TRDN: variants seen among roughly 807,000 people sequenced by gnomAD.
The protein encoded by TRDN is triadin.
A neutral mutation model predicts 149.7 loss-of-function variants in TRDN; 161 were observed. That is an observed-to-expected ratio of 1.08 (90% CI 0.95 to 1.23). The LOEUF is 1.23. TRDN is among the 50% of genes most tolerant of loss of function. The pLI, the probability that TRDN is intolerant of heterozygous loss-of-function variation, is 0.00. For synonymous variants in TRDN, 294 were observed against 250.5 expected (o/e 1.17, Z -1.64); for missense variants, 896 against 823.5 (o/e 1.09, Z -1.08).
At chr6:123,489,220 GAA>G (rs1267289770) in intron 9 of TRDN, among the ~76,000 whole-genome samples, 1 of 151,360 alleles carries the variant, frequency 6.6e-6, no homozygotes, top group East Asian at 1.9e-4. Context: ...TAATAAAAGA[GAA>G]AGCAAAAAAG....
intron 24 of TRDN, among the ~76,000 whole-genome samples, chr6:123,294,704 CA>C (rs1247452136): frequency 3.3e-5 from 5 of 152,096 alleles, no homozygotes; most frequent in African/African-American, 1.2e-4. Context: ...GCAGGCCTAA[CA>C]GGCCACAGAC....
At chr6:123,245,744 A>G (rs1776151283) in intron 38 of TRDN, among the ~76,000 whole-genome samples, 1 of 152,182 alleles carries the variant, frequency 6.6e-6, no homozygotes, top group Admixed American at 6.5e-5. Flanking sequence ...AAGCGGACCT[A>G]ACAGACATCT....
chr6:123,551,987 G>A (rs1781415936), intron 2 of TRDN, among the ~76,000 whole-genome samples: 1 of 152,022 alleles, frequency 6.6e-6, no homozygotes, highest in Admixed American at 6.6e-5. Context: ...CATGAGAACA[G>A]TAGCTGGCTC....
chr6:123,451,412 A>G (rs1379948771), intron 10 of TRDN, among the ~76,000 whole-genome samples: 2 of 152,126 alleles, frequency 1.3e-5, no homozygotes, highest in Admixed American at 1.3e-4. Flanking sequence ...GAAATGAAAC[A>G]GGAGACATTA....
intron 24 of TRDN, among the ~76,000 whole-genome samples, chr6:123,290,033 G>A (rs1417668100): frequency 6.6e-6 from 1 of 152,122 alleles, no homozygotes; most frequent in African/African-American, 2.4e-5. Context: ...AAGACCCAGT[G>A]GAAAGTTTCC....
chr6:123,232,570 G>A (rs1775645272), intron 38 of TRDN, among the ~76,000 whole-genome samples: 1 of 151,960 alleles, frequency 6.6e-6, no homozygotes, highest in African/African-American at 2.4e-5. Context: ...GTAGGCAGAG[G>A]TAGGAGAAAC....
chr6:123,425,660 C>T (rs1212524817), intron 12 of TRDN, among the ~76,000 whole-genome samples: 1 of 151,992 alleles, frequency 6.6e-6, no homozygotes, highest in Non-Finnish European at 1.5e-5. Flanking sequence ...GTGAAATGCT[C>T]TTGAGAAGGA....
intron 12 of TRDN, among the ~76,000 whole-genome samples, chr6:123,422,292 A>G (rs1188298894): frequency 6.6e-6 from 1 of 152,054 alleles, no homozygotes; most frequent in Non-Finnish European, 1.5e-5. Flanking sequence ...CAATCAGAAA[A>G]TTTCCTTAGA....
intron 38 of TRDN, among the ~76,000 whole-genome samples, chr6:123,243,229 A>G (rs577741398): frequency 3.3e-5 from 5 of 152,260 alleles, no homozygotes; most frequent in African/African-American, 7.2e-5. Context: ...CACAGGCCCA[A>G]AGGACTGTGT....
At position 123,218,707 on chromosome 6, in the gene TRDN, T is replaced by A. The variant is rs202040879; in HGVS notation, c.2084A>T (p.Asp695Val). Residue 695 changes from aspartate (D) to valine (V), a missense_variant, in exon 41 of 41, where the codon GAT becomes GTT. By Grantham distance (152) the Asp-to-Val change is radical. Coordinates refer to ENST00000334268, the MANE Select transcript of TRDN (RefSeq NM_006073.4). ...CTGAAATCCATAGCCATTGTACCCA[T>A]CCAAGTAGACACACTGGAAGAAACT... ...PISFFQCVYL[D>V]GYNGYGFQFP... 1.8e-4 allele frequency: 288 copies of A among 1,589,326 alleles called. No homozygotes were observed. The highest frequency in any genetic ancestry group is 2.3e-4 in the Non-Finnish European group (273 of 1,165,818).
At chr6:123,531,604 A>T (rs530279468) in intron 4 of TRDN, among the ~76,000 whole-genome samples, 3 of 152,212 alleles carry the variant, frequency 2.0e-5, no homozygotes, top group Admixed American at 2.0e-4. Context: ...TACTATTTAC[A>T]GGGTCACTAA....
At chr6:123,336,968 T>C (rs1452175032) in intron 22 of TRDN, among the ~76,000 whole-genome samples, 1 of 151,990 alleles carries the variant, frequency 6.6e-6, no homozygotes, top group Non-Finnish European at 1.5e-5. Context: ...GGCTTGATGC[T>C]GTATGTGGAC....
At chr6:123,514,930 G>A (rs932554105) in intron 6 of TRDN, among the ~76,000 whole-genome samples, 1 of 151,184 alleles carries the variant, frequency 6.6e-6, no homozygotes, top group Non-Finnish European at 1.5e-5. Context: ...CTTGTCAGGG[G>A]TTTGGGGGCA....
At chr6:123,483,064 C>CATT (rs1777816536) in intron 9 of TRDN, among the ~76,000 whole-genome samples, 2 of 129,682 alleles carry the variant, frequency 1.5e-5, no homozygotes. Context: ...ATTGATTTCT[C>CATT]ATTTATTATT....
intron 21 of TRDN, among the ~76,000 whole-genome samples, chr6:123,339,105 A>G (rs1396452419): frequency 1.3e-5 from 2 of 151,912 alleles, no homozygotes; most frequent in African/African-American, 4.8e-5. Context: ...CCCAGGTTCA[A>G]GTGATTCTCC....
chr6:123,222,257 TA>T (rs1775176681), intron 39 of TRDN, among the ~76,000 whole-genome samples: 2 of 151,426 alleles, frequency 1.3e-5, no homozygotes, highest in Admixed American at 1.3e-4. Flanking sequence ...AAGTTAGGTT[TA>T]CAGATCTTAT....
intron 1 of TRDN, among the ~76,000 whole-genome samples, chr6:123,574,255 A>G (rs1484928089): frequency 6.6e-6 from 1 of 152,010 alleles, no homozygotes; most frequent in Non-Finnish European, 1.5e-5. Flanking sequence ...TTCGGAAAAA[A>G]AACTGTGGAA....
At chr6:123,339,352 G>T (rs142688543) in intron 21 of TRDN, among the ~76,000 whole-genome samples, 1 of 152,010 alleles carries the variant, frequency 6.6e-6, no homozygotes, top group Non-Finnish European at 1.5e-5. Context: ...AGCTGAGAAT[G>T]GTTCTTAGAG....
At chr6:123,406,184 C>T (rs1427677698) in intron 12 of TRDN, among the ~76,000 whole-genome samples, 2 of 152,062 alleles carry the variant, frequency 1.3e-5, no homozygotes, top group African/African-American at 2.4e-5. Context: ...AAAACTAAAA[C>T]CTATAAATAT....
Sources: allele counts gnomAD v4.1 joint callset (sites outside exome capture counted in the v4.1 genomes callset), GRCh38; gene constraint gnomAD v4.1.1; transcripts MANE v1.5; gene names NCBI Gene and HGNC (gene_info 2026-07-23, HGNC 2026-07-21).